The following CNTN6 variants were observed in gnomAD, a reference collection of about 807,000 sequenced individuals.
CNTN6 encodes the protein contactin-6.
Under a neutral mutation model 122.8 loss-of-function variants are expected in CNTN6, and 137 were observed. That is an observed-to-expected ratio of 1.12 (90% CI 0.97 to 1.29). The LOEUF (loss-of-function observed/expected upper bound fraction) is 1.29. Among genes scored for constraint, CNTN6 ranks in the 50% most tolerant of loss-of-function variants. The pLI, the probability that CNTN6 is intolerant of heterozygous loss-of-function variation, is 0.00. For missense variants in CNTN6, 1,634 were observed against 1,223.4 expected (o/e 1.34, Z -5.01); for synonymous variants, 570 against 426.0 (o/e 1.34, Z -4.16).
chr3:1,265,849 A>C (rs2094917902), intron 4 of CNTN6, among the ~76,000 whole-genome samples: 1 of 152,112 alleles, frequency 6.6e-6, no homozygotes, highest in Non-Finnish European at 1.5e-5. Context: ...TTGAAATATC[A>C]ATGTACTGTC....
chr3:1,188,233 G>A (rs866231239), intron 2 of CNTN6, among the ~76,000 whole-genome samples: 15 of 152,126 alleles, frequency 9.9e-5, no homozygotes, highest in African/African-American at 3.4e-4. Context: ...AGAACTGGAG[G>A]GGAATGCTTG....
At chr3:1,190,740 T>C (rs1379304665) in intron 2 of CNTN6, among the ~76,000 whole-genome samples, 2 of 152,252 alleles carry the variant, frequency 1.3e-5, no homozygotes, top group Admixed American at 6.5e-5. Context: ...TAAAATATGC[T>C]CTTGACCAAC....
Position 1,385,611 on chromosome 3 carries a change from G to T in CNTN6, c.2518G>T (p.Val840Phe). Reference sequence around the variant, plus strand: ...GCTTGTTTTGGTTTTTAATTATCAGGTCTTATACTGGACAGATGACTCCAA... The same window carrying T: ...GCTTGTTTTGGTTTTTAATTATCAGTTCTTATACTGGACAGATGACTCCAA... The part of the protein sequence containing the change: ...RNTGRVLGYE[V>F]LYWTDDSKES... The change falls in exon 20 of 23, where the codon GTC becomes TTC. Residue 840 changes from valine to phenylalanine, a missense_variant and splice_region_variant. Physicochemically the swap from Val to Phe is conservative, Grantham distance 50. Coordinates refer to ENST00000446702, the MANE Select transcript of CNTN6 (RefSeq NM_001289080.2). 6.2e-7 allele frequency: 1 copy of T among 1,609,542 alleles called. No individual in the cohort carries two copies. The highest frequency in any genetic ancestry group is 2.2e-5 in the East Asian group (1 of 44,758).
intron 4 of CNTN6, among the ~76,000 whole-genome samples, chr3:1,248,087 A>G (rs1038631779): frequency 3.9e-5 from 6 of 152,198 alleles, no homozygotes; most frequent in African/African-American, 1.4e-4. Context: ...AACTGACTCC[A>G]GAGCTTCTGC....
At chr3:1,172,833 T>A (rs1020187812) in intron 2 of CNTN6, among the ~76,000 whole-genome samples, 1 of 152,160 alleles carries the variant, frequency 6.6e-6, no homozygotes, top group Non-Finnish European at 1.5e-5. Flanking sequence ...AGGCAAGCTG[T>A]CTCTTTTTGA....
chr3:1,352,576 T>G (rs905766504), intron 12 of CNTN6, 125 bp downstream of exon 12: 9 of 1,125,918 alleles, frequency 8.0e-6, no homozygotes, highest in African/African-American at 3.1e-5. Context: ...ACAAGTTATC[T>G]AAGAGATCCA....
chr3:1,237,465 G>C (rs1338482071), intron 4 of CNTN6, among the ~76,000 whole-genome samples: 2 of 152,148 alleles, frequency 1.3e-5, no homozygotes, highest in Non-Finnish European at 2.9e-5. Context: ...TAACAATTTG[G>C]AAAATATGTC....
At chr3:1,220,043 G>A (rs116695386) in intron 2 of CNTN6, among the ~76,000 whole-genome samples, 2,720 of 117,602 alleles carry the variant, frequency 0.023, 94 homozygotes, top group African/African-American at 0.092. Context: ...AATATCAACT[G>A]GATTCTTTTG....
intron 17 of CNTN6, among the ~76,000 whole-genome samples, chr3:1,379,955 T>TATCA (rs1412313408): frequency 2.6e-5 from 4 of 152,186 alleles, no homozygotes; most frequent in Non-Finnish European, 4.4e-5. Context: ...TCTCTGTTCC[T>TATCA]ATCAGTGGAA....
At chr3:1,130,245 T>C (rs1372597010) in intron 1 of CNTN6, among the ~76,000 whole-genome samples, 1 of 152,100 alleles carries the variant, frequency 6.6e-6, no homozygotes, top group African/African-American at 2.4e-5. Context: ...TTAATCATTG[T>C]AGCAGATGCT....
chr3:1,302,271 C>G (rs1575615267), intron 7 of CNTN6, among the ~76,000 whole-genome samples: 1 of 152,080 alleles, frequency 6.6e-6, no homozygotes, highest in African/African-American at 2.4e-5. Flanking sequence ...TGTGGGGACT[C>G]CCTTTTACTA....
chr3:1,306,442 C>T (rs4684879), intron 7 of CNTN6, among the ~76,000 whole-genome samples: 8,628 of 152,134 alleles, frequency 0.057, 330 homozygotes, highest in African/African-American at 0.096. Context: ...TAACATTAAA[C>T]CCACTACACT....
At chr3:1,277,271 A>T (rs1398808912) in intron 4 of CNTN6, among the ~76,000 whole-genome samples, 2 of 150,704 alleles carry the variant, frequency 1.3e-5, no homozygotes, top group African/African-American at 4.9e-5. Context: ...AAGGTAAAAT[A>T]CCTGCCTGTT....
chr3:1,277,365 T>C (rs1366574165), intron 4 of CNTN6, among the ~76,000 whole-genome samples: 1 of 133,538 alleles, frequency 7.5e-6, no homozygotes, highest in Admixed American at 7.8e-5. Flanking sequence ...TTTTTTTTTT[T>C]TTTTTTTTTT....
At chr3:1,149,620 A>G (rs1465353368) in intron 2 of CNTN6, among the ~76,000 whole-genome samples, 1 of 152,192 alleles carries the variant, frequency 6.6e-6, no homozygotes, top group Non-Finnish European at 1.5e-5. Flanking sequence ...AAGTGATTAC[A>G]GTATTTTGAT....
At position 1,361,202 on chromosome 3, in the gene CNTN6, C is replaced by G. The variant is rs563958731; in HGVS notation, c.1492+8751C>G. On this transcript the variant is annotated intron_variant, in intron 12 of 22. Coordinates refer to ENST00000446702, the MANE Select transcript of CNTN6 (RefSeq NM_001289080.2). Reference sequence around the variant, plus strand: ...GCACCACACACACGCTAAACCCACACCTTGACACACACAAGAAAAAATTAT... The same window carrying G: ...GCACCACACACACGCTAAACCCACAGCTTGACACACACAAGAAAAAATTAT... Among the ~76,000 whole-genome samples, 23 of 152,196 alleles carry G rather than the reference C, an allele frequency of 1.5e-4. No individual in the cohort carries two copies. In the South Asian group the frequency reaches 3.3e-3, roughly 22 times the overall value.
intron 19 of CNTN6, among the ~76,000 whole-genome samples, 195 bp from the exon 20 acceptor site, chr3:1,385,416 G>C (rs1559992644): frequency 6.6e-6 from 1 of 152,112 alleles, no homozygotes; most frequent in Non-Finnish European, 1.5e-5. Flanking sequence ...TTGCATTCAT[G>C]ACTTTTTTCC....
chr3:1,390,742 G>C (rs1009537718), intron 20 of CNTN6, among the ~76,000 whole-genome samples: 2 of 151,814 alleles, frequency 1.3e-5, no homozygotes, highest in Admixed American at 1.3e-4. Context: ...CAATCCCACA[G>C]AAATACAAAC....
intron 2 of CNTN6, among the ~76,000 whole-genome samples, chr3:1,197,792 A>C (rs573019193): frequency 6.6e-6 from 1 of 152,342 alleles, no homozygotes; most frequent in South Asian, 2.1e-4. Flanking sequence ...AATTACATTA[A>C]TATTTTATGT....
Sources: allele counts gnomAD v4.1 joint callset (sites outside exome capture counted in the v4.1 genomes callset), GRCh38; gene constraint gnomAD v4.1.1; transcripts MANE v1.5; gene names NCBI Gene and HGNC (gene_info 2026-07-23, HGNC 2026-07-21).